The following PCDHA9 variants were observed in gnomAD, a reference collection of about 807,000 sequenced individuals.
The protein encoded by PCDHA9 is protocadherin alpha-9.
PCDHA9 carries 62 observed loss-of-function variants against 62.0 expected under a neutral mutation model. The observed-to-expected ratio is 1.00, with a 90% CI of 0.81 to 1.23. PCDHA9 has a LOEUF of 1.23. Among genes scored for constraint, PCDHA9 ranks in the 50% most tolerant of loss-of-function variants. The pLI is 0.00. For synonymous variants in PCDHA9, 557 were observed against 567.6 expected (o/e 0.98, Z 0.27); for missense variants, 1,205 against 1,249.8 (o/e 0.96, Z 0.54).
chr5:140,926,651 C>T, intron 1 of PCDHA9: 1 of 496,446 alleles, frequency 2.0e-6, no homozygotes, highest in Non-Finnish European at 3.3e-6. Context: ...CCGGCCGGCT[C>T]CGCTTTCCCA....
At chr5:140,986,372 G>T (rs570215048) in intron 3 of PCDHA9, among the ~76,000 whole-genome samples, 10 of 152,248 alleles carry the variant, frequency 6.6e-5, no homozygotes, top group African/African-American at 1.2e-4. Flanking sequence ...ATGCGTTTTG[G>T]GGGGAGGGAC....
At chr5:140,861,184 A>G in intron 1 of PCDHA9, 1 of 160,152 alleles carries the variant, frequency 6.2e-6, no homozygotes, top group Non-Finnish European at 1.4e-5. Context: ...AAGTCTTTCT[A>G]GTCATGAAAT....
In PCDHA9 at chr5:140,967,658, A is replaced by C. The variant is rs1554229743; in HGVS notation, c.2395-11291A>C. ...TGGTGAGCTCAGGTACTCCTTGAGC[A>C]GCTACACGTCGGACCGGGAGAGGCA... On this transcript the variant is annotated intron_variant, in intron 1 of 3. Coordinates refer to ENST00000532602, the MANE Select transcript of PCDHA9 (RefSeq NM_031857.2). 3 of 1,614,058 alleles carry C rather than the reference A, an allele frequency of 1.9e-6. No individual in the cohort carries two copies. The highest frequency in any genetic ancestry group is 1.7e-5 in the Admixed American group (1 of 60,008).
At chr5:140,925,941 G>A (rs1311329302) in intron 1 of PCDHA9, among the ~76,000 whole-genome samples, 2 of 138,504 alleles carry the variant, frequency 1.4e-5, no homozygotes, top group South Asian at 2.1e-4. Flanking sequence ...GAGCCTCTTG[G>A]AGAAGGAGAA....
chr5:140,957,416 A>T (rs1456143168), intron 1 of PCDHA9, among the ~76,000 whole-genome samples: 2 of 152,144 alleles, frequency 1.3e-5, no homozygotes, highest in East Asian at 1.9e-4. Flanking sequence ...TATTGTTGTT[A>T]ATCTTTTACT....
intron 1 of PCDHA9, among the ~76,000 whole-genome samples, chr5:140,964,396 G>A (rs2095829712): frequency 6.6e-6 from 1 of 152,188 alleles, no homozygotes; most frequent in South Asian, 2.1e-4. Flanking sequence ...TTTCTCCCAA[G>A]ACATGACATT....
At chr5:140,967,092 C>A (rs782344374) in intron 1 of PCDHA9, 4 of 1,613,156 alleles carry the variant, frequency 2.5e-6, no homozygotes, top group Non-Finnish European at 2.5e-6. Context: ...GATCGGGAGG[C>A]GCTGTGTGAG....
At chr5:140,905,669 A>T (rs781948009) in intron 1 of PCDHA9, among the ~76,000 whole-genome samples, 1 of 152,228 alleles carries the variant, frequency 6.6e-6, no homozygotes, top group Non-Finnish European at 1.5e-5. Flanking sequence ...ATCCATTAAC[A>T]TGGAACATAT....
intron 1 of PCDHA9, among the ~76,000 whole-genome samples, chr5:140,885,862 T>C (rs2060742623): frequency 6.6e-6 from 1 of 152,182 alleles, no homozygotes; most frequent in African/African-American, 2.4e-5. Flanking sequence ...TACTTTTCTA[T>C]TGAAAAAAAA....
intron 1 of PCDHA9, chr5:140,882,355 C>T: frequency 6.2e-7 from 1 of 1,614,166 alleles, no homozygotes; most frequent in African/African-American, 1.3e-5. Context: ...CGGGTAGTGG[C>T]CAGCTCCACT....
In PCDHA9 at chr5:140,854,901, T is replaced by C. The variant is rs1371742566; in HGVS notation, c.2394+4012T>C. On this transcript the variant is annotated intron_variant, in intron 1 of 3. Transcript: ENST00000532602. ...CTTTTGGGCATTTGAAAAGCGTAAA[T>C]ATAACAGGGTTGAAAGCATTTGCCT... 1.1e-4 allele frequency among the ~76,000 whole-genome samples: 17 copies of C among 149,996 alleles called. No individual in the cohort carries two copies. In the Admixed American group the frequency reaches 1.1e-3, roughly 10 times the overall value.
At chr5:140,992,637 G>A (rs31872) in intron 3 of PCDHA9, among the ~76,000 whole-genome samples, 103,738 of 151,942 alleles carry the variant, frequency 0.68, 36,576 homozygotes, top group African/African-American at 0.86. Flanking sequence ...AACTTCCCTG[G>A]AAAATAGAAG....
chr5:140,884,682 A>C, intron 1 of PCDHA9: 5 of 1,546,956 alleles, frequency 3.2e-6, no homozygotes, highest in Non-Finnish European at 4.4e-6. Flanking sequence ...TATTTTAAAA[A>C]ATTGTCTTAG....
intron 3 of PCDHA9, among the ~76,000 whole-genome samples, chr5:140,989,404 A>G (rs2097341135): frequency 6.6e-6 from 1 of 152,134 alleles, no homozygotes; most frequent in Non-Finnish European, 1.5e-5. Flanking sequence ...GAGGGTGGAG[A>G]GTCTGCACTT....
chr5:140,924,830 G>T (rs1240824600), intron 1 of PCDHA9, among the ~76,000 whole-genome samples: 3 of 151,612 alleles, frequency 2.0e-5, no homozygotes, highest in Non-Finnish European at 4.4e-5. Flanking sequence ...GGGAGGGGGA[G>T]GTTGCAGGGA....
At chr5:140,983,239 C>A (rs557831259) in intron 3 of PCDHA9, among the ~76,000 whole-genome samples, 53 of 152,294 alleles carry the variant, frequency 3.5e-4, no homozygotes, top group African/African-American at 1.2e-3. Context: ...GGAAAGAGAA[C>A]CTGCTAAGTT....
intron 1 of PCDHA9, among the ~76,000 whole-genome samples, chr5:140,950,992 G>A (rs2094539287): frequency 6.6e-6 from 1 of 151,384 alleles, no homozygotes; most frequent in Admixed American, 6.6e-5. Flanking sequence ...GCCTCTTTTA[G>A]CTCCATTTTT....
chr5:140,898,349 C>A (rs1310511547), intron 1 of PCDHA9, among the ~76,000 whole-genome samples: 1 of 152,168 alleles, frequency 6.6e-6, no homozygotes, highest in African/African-American at 2.4e-5. Flanking sequence ...TTTAATCCAT[C>A]TTGAATTAAT....
chr5:141,010,499 T>C lies in PCDHA9; in HGVS notation c.*562T>C. ...GTGTAAACTTAAAGGGACCAGACTTTCTAAATCTTACAACTCAAGAGGTGG... is the reference window on the plus strand; with the variant it reads ...GTGTAAACTTAAAGGGACCAGACTTCCTAAATCTTACAACTCAAGAGGTGG... On this transcript the variant is annotated 3_prime_UTR_variant, in exon 4 of 4. Coordinates refer to ENST00000532602, the MANE Select transcript of PCDHA9 (RefSeq NM_031857.2). 1.7e-6 allele frequency: 1 copy of C among 586,170 alleles called. No individual in the cohort carries two copies. Among genetic ancestry groups the C allele is most frequent in the Non-Finnish European group, 2.7e-6 (1 of 372,458 alleles). 36.3% of individuals were successfully genotyped at this position (586,170 alleles called of 1,614,324 possible).
Sources: allele counts gnomAD v4.1 joint callset (sites outside exome capture counted in the v4.1 genomes callset), GRCh38; gene constraint gnomAD v4.1.1; transcripts MANE v1.5; gene names NCBI Gene and HGNC (gene_info 2026-07-23, HGNC 2026-07-21).